KCNAB2: variants seen among roughly 807,000 people sequenced by gnomAD.
KCNAB2 encodes potassium voltage-gated channel subfamily A regulatory beta subunit 2.
In KCNAB2, 29 loss-of-function variants were observed where a neutral mutation model predicts 63.6. That is an observed-to-expected ratio of 0.46 (90% CI 0.34 to 0.62). The LOEUF is 0.62. Among genes scored for constraint, KCNAB2 ranks in the 20% least tolerant of loss-of-function variants. The pLI is 0.01. For synonymous variants in KCNAB2, 222 were observed against 224.2 expected (o/e 0.99, Z 0.09); for missense variants, 359 against 563.9 (o/e 0.64, Z 3.68).
At position 6,051,690 on chromosome 1, in the gene KCNAB2, T is replaced by C; in HGVS notation, c.154T>C (p.Phe52Leu). Residue 52 changes from phenylalanine to leucine, a missense_variant, in exon 2 of 16, where the codon TTC becomes CTC. Physicochemically the swap from Phe to Leu is conservative, Grantham distance 22. Coordinates refer to ENST00000378083, the MANE Select transcript of KCNAB2 (RefSeq NM_001199862.2). ...TGCCCAGGCCAGGAACATGGAGAGCTTCCTCCGCATGCACGGCCTTTCCCT... is the reference window on the plus strand; with the variant it reads ...TGCCCAGGCCAGGAACATGGAGAGCCTCCTCCGCATGCACGGCCTTTCCCT... ...AAAQARNMES[F>L]LRMHGLSLDG... 6.5e-7 allele frequency: 1 copy of C among 1,533,794 alleles called. No homozygotes were observed. The highest frequency in any genetic ancestry group is 8.7e-7 in the Non-Finnish European group (1 of 1,146,632).
chr1:6,092,329 C>T (rs1665255009), intron 10 of KCNAB2, among the ~76,000 whole-genome samples: 1 of 152,232 alleles, frequency 6.6e-6, no homozygotes, highest in South Asian at 2.1e-4. Flanking sequence ...GCCTAGGACT[C>T]CCCACCTCAG....
intron 2 of KCNAB2, among the ~76,000 whole-genome samples, chr1:6,070,090 A>C (rs1663071813): frequency 6.6e-6 from 1 of 152,120 alleles, no homozygotes; most frequent in Non-Finnish European, 1.5e-5. Context: ...TCACTCGTGG[A>C]GGTGGTTTTG....
At position 6,079,634 on chromosome 1, in the gene KCNAB2, G is replaced by A. The variant is rs112408593; in HGVS notation, c.301-2561G>A. Reference sequence around the variant, plus strand: ...GAAACAAGCCACAAAAAGGACACACGGTGTGACTGCATTTGTCTAAGGTGC... The same window carrying A: ...GAAACAAGCCACAAAAAGGACACACAGTGTGACTGCATTTGTCTAAGGTGC... On this transcript the variant is annotated intron_variant, in intron 4 of 15. Transcript: ENST00000378083. Among the ~76,000 whole-genome samples the A allele has an allele frequency of 1.7e-3, 257 of 152,242 alleles. 1 individual carries two copies. The highest frequency in any genetic ancestry group is 1.8e-3 in the Non-Finnish European group (123 of 68,010).
In KCNAB2 at chr1:6,078,965, G is replaced by C. The variant is rs911849255; in HGVS notation, c.301-3230G>C. Among the ~76,000 whole-genome samples, 2 of 152,212 alleles carry C rather than the reference G, an allele frequency of 1.3e-5. No individual in the cohort carries two copies. Among genetic ancestry groups the C allele is most frequent in the African/African-American group, 2.4e-5 (1 of 41,450 alleles). ...GTGAGAAACCACCCAAGAGCCGCTGGAGGCTCAGAGCAGGGTGGGCACCGT... is the reference window on the plus strand; with the variant it reads ...GTGAGAAACCACCCAAGAGCCGCTGCAGGCTCAGAGCAGGGTGGGCACCGT... On this transcript the variant is annotated intron_variant, in intron 4 of 15. Coordinates refer to ENST00000378083, the MANE Select transcript of KCNAB2 (RefSeq NM_001199862.2). This position sits in a 1 kb window ranked among gnomAD's most constrained non-coding sequence, Gnocchi z 4.2.
At position 6,035,974 on chromosome 1, in the gene KCNAB2, C is replaced by T. The variant is rs1382583987; in HGVS notation, c.-53+1180C>T. 2 of 152,632 alleles carry T rather than the reference C, an allele frequency of 1.3e-5. No homozygotes were observed. Among genetic ancestry groups the T allele is most frequent in the African/African-American group, 2.4e-5 (1 of 41,406 alleles). 9.5% of individuals were successfully genotyped at this position (152,632 alleles called of 1,614,324 possible). A position where few individuals can be genotyped will look rare whatever the true frequency, so the allele number is the denominator to read the frequency against. On this transcript the variant is annotated intron_variant, in intron 1 of 15. Transcript: ENST00000164247. The surrounding 1 kb of genome is among the most constrained non-coding windows in gnomAD (Gnocchi z 5.0). ...GTGGAGTCCTGGGAGCTGGGGAAGC[C>T]GCAGGCAGCACCTCTGTCACCCCGA... is the stretch of plus-strand genomic sequence containing the variant.
chr1:6,065,438 G>A lies in KCNAB2; in HGVS notation c.219-7317G>A, dbSNP rs539550116. 3.2e-4 allele frequency among the ~76,000 whole-genome samples: 48 copies of A among 152,340 alleles called. 1 individual carries two copies. In the South Asian group the frequency reaches 6.4e-3, roughly 20 times the overall value. The stretch of plus-strand genomic sequence containing the variant: ...GGTGGGAGCCTCAGCCGCCCACAGC[G>A]CGCAGAGCCAGGAGCTGGATCCCAG... On this transcript the variant is annotated intron_variant, in intron 2 of 15. Coordinates refer to ENST00000378083, the MANE Select transcript of KCNAB2 (RefSeq NM_001199862.2).
Position 6,100,136 on chromosome 1 carries a change from C to T in KCNAB2, c.*1562C>T, listed in dbSNP as rs1035744575. ...CAGAAGGCTCCACCCTGCCGTCCTG[C>T]GGGAGCCTGCTGTCCAGTCCTGGCC... On this transcript the variant is annotated 3_prime_UTR_variant, in exon 16 of 16. Transcript: ENST00000378083. 3.1e-5 allele frequency: 44 copies of T among 1,412,456 alleles called. No individual in the cohort carries two copies. The highest frequency in any genetic ancestry group is 2.5e-4 in the Middle Eastern group (1 of 3,992). 87.5% of individuals were successfully genotyped at this position (1,412,456 alleles called of 1,614,324 possible). A position where few individuals can be genotyped will look rare whatever the true frequency, so the allele number is the denominator to read the frequency against.
rs1308659148 is a variant in KCNAB2, at chr1:6,082,976, G to C, written c.380+702G>C. Among the ~76,000 whole-genome samples, 10 of 152,180 alleles carry C rather than the reference G, an allele frequency of 6.6e-5. 1 individual carries two copies. The highest frequency in any genetic ancestry group is 6.5e-4 in the Admixed American group (10 of 15,284). On this transcript the variant is annotated intron_variant, in intron 5 of 15. Coordinates refer to ENST00000378083, the MANE Select transcript of KCNAB2 (RefSeq NM_001199862.2). Reference sequence around the variant, plus strand: ...CGCAGCTGCTTCGTGGGCCCTGGGTGGTTACCTGCAACTGCAGCGGGGCCC... The same window carrying C: ...CGCAGCTGCTTCGTGGGCCCTGGGTCGTTACCTGCAACTGCAGCGGGGCCC...
chr1:6,065,804 C>T (rs1662694467), intron 2 of KCNAB2, among the ~76,000 whole-genome samples: 1 of 152,118 alleles, frequency 6.6e-6, no homozygotes, highest in Non-Finnish European at 1.5e-5. Flanking sequence ...AGAAAATGCG[C>T]ACCCCCCAAC....
At position 6,088,702 on chromosome 1, in the gene KCNAB2, AAAAT is replaced by A. The variant is rs1373608071; in HGVS notation, c.471-303_471-300del. On this transcript the variant is annotated intron_variant, in intron 7 of 15. Coordinates refer to ENST00000378083, the MANE Select transcript of KCNAB2 (RefSeq NM_001199862.2). The stretch of plus-strand genomic sequence containing the variant: ...CCAGCCTGATGTGTTCTTAATTTAA[AAAAT>A]AATAATAATAATAATAATAATAATA... 6.0e-3 allele frequency among the ~76,000 whole-genome samples: 511 copies of A among 85,224 alleles called. 2 individuals carry two copies. Among genetic ancestry groups the A allele is most frequent in the African/African-American group, 0.012 (212 of 17,872 alleles). 55.9% of individuals were successfully genotyped at this position (85,224 alleles called of 152,430 possible).
At chr1:6,020,089 C>G (rs1658735971) in intron 1 of KCNAB2, among the ~76,000 whole-genome samples, 1 of 152,146 alleles carries the variant, frequency 6.6e-6, no homozygotes, top group African/African-American at 2.4e-5. Flanking sequence ...TACCTGGGGT[C>G]CCGTCTCTGC....
rs773934876 is a variant in KCNAB2, at chr1:6,100,182, G to C, written c.*1608G>C. On this transcript the variant is annotated 3_prime_UTR_variant, in exon 16 of 16. Transcript: ENST00000378083. ...TGGCCGGGCCAAGGCCTGGGAAACT[G>C]TGAAAGTCAGAAAGGCCAGCGGGGA... is the stretch of plus-strand genomic sequence containing the variant. The C allele has an allele frequency of 1.6e-6, 2 of 1,226,390 alleles. No homozygotes were observed. The highest frequency in any genetic ancestry group is 4.0e-5 in the South Asian group (2 of 49,940). The allele number at this position is 1,226,390 out of a possible 1,614,324, so 76.0% of individuals were successfully genotyped here.
intron 4 of KCNAB2, among the ~76,000 whole-genome samples, chr1:6,075,937 ACT>A (rs904151347): frequency 6.6e-6 from 1 of 152,188 alleles, no homozygotes; most frequent in Non-Finnish European, 1.5e-5. Flanking sequence ...AACTCTGCAC[ACT>A]GTTTGTATAA....
intron 1 of KCNAB2, among the ~76,000 whole-genome samples, chr1:6,036,250 C>T (rs557221517): frequency 7.2e-5 from 11 of 152,294 alleles, no homozygotes; most frequent in African/African-American, 2.6e-4. Context: ...CATCTGTAAT[C>T]CCAGCATTTA....
At chr1:6,034,877 A>T (rs746495098) in intron 1 of KCNAB2, 3 of 152,366 alleles carry the variant, frequency 2.0e-5, no homozygotes, top group Non-Finnish European at 4.4e-5. Context: ...ACCAGCAGAC[A>T]AAACTCCCTG....
Position 6,040,560 on chromosome 1 carries a change from G to T in KCNAB2, c.-9G>T, listed in dbSNP as rs1236743797. 1.2e-5 allele frequency: 20 copies of T among 1,613,692 alleles called. No homozygotes were observed. The East Asian group carries it at 3.8e-4, about 31-fold the overall frequency. On this transcript the variant is annotated 5_prime_UTR_variant, in exon 2 of 16. Transcript: ENST00000164247. Reference sequence around the variant, plus strand: ...AACCGAGCAAGTCTGGATAAGTGAGGCTGGCTCCATGTATCCAGAATCAAC... The same window carrying T: ...AACCGAGCAAGTCTGGATAAGTGAGTCTGGCTCCATGTATCCAGAATCAAC...
intron 4 of KCNAB2, 120 bp from the exon 5 acceptor site, chr1:6,082,075 G>C (rs1288705727): frequency 2.6e-6 from 2 of 775,130 alleles, no homozygotes; most frequent in Non-Finnish European, 4.5e-6. Flanking sequence ...AGGGGAGCCT[G>C]TCGGGCCCGG....
In KCNAB2 at chr1:6,082,293, G is replaced by A. The variant is rs745679544; in HGVS notation, c.380+19G>A. On this transcript the variant is annotated intron_variant, in intron 5 of 15. Transcript: ENST00000378083. ...CCGGCAAGTACGTGTCTTTTCACACGGGAAAAAGTGGTTCAGAATGCCTGG... is the reference window on the plus strand; with the variant it reads ...CCGGCAAGTACGTGTCTTTTCACACAGGAAAAAGTGGTTCAGAATGCCTGG... 28 of 1,596,678 alleles carry A rather than the reference G, an allele frequency of 1.8e-5. No individual in the cohort carries two copies. Among genetic ancestry groups the A allele is most frequent in the Admixed American group, 5.0e-5 (3 of 59,946 alleles).
At chr1:6,015,347 T>C (rs887870571) in intron 1 of KCNAB2, among the ~76,000 whole-genome samples, 1 of 152,178 alleles carries the variant, frequency 6.6e-6, no homozygotes, top group Non-Finnish European at 1.5e-5. Flanking sequence ...CCTTTTTTAA[T>C]GTGTCAGAGG....
Sources: allele counts gnomAD v4.1 joint callset (sites outside exome capture counted in the v4.1 genomes callset), GRCh38; gene constraint gnomAD v4.1.1; non-coding constraint Gnocchi (gnomAD v3.1); transcripts MANE v1.5; gene names NCBI Gene and HGNC (gene_info 2026-07-23, HGNC 2026-07-21).